ABTB2: variants seen among roughly 807,000 people sequenced by gnomAD.
ABTB2 encodes ankyrin repeat and BTB/POZ domain-containing protein 2.
ABTB2 carries 56 observed loss-of-function variants against 104.1 expected under a neutral mutation model. The ratio of observed to expected loss-of-function variants is 0.54; its 90% CI spans 0.43 to 0.67. ABTB2 has a LOEUF of 0.67. Ranked by LOEUF, ABTB2 falls within the 30% of genes least tolerant of loss-of-function variation. The probability of loss-of-function intolerance (pLI) is 0.00; values close to 1 mark genes in which losing one functional copy is unlikely to be tolerated. For missense variants in ABTB2, 1,279 were observed against 1,407.7 expected (o/e 0.91, Z 1.46); for synonymous variants, 606 against 608.2 (o/e 1.00, Z 0.05).
chr11:34,170,438 C>A (rs1852857095), intron 5 of ABTB2, among the ~76,000 whole-genome samples: 1 of 152,220 alleles, frequency 6.6e-6, no homozygotes, highest in South Asian at 2.1e-4. Flanking sequence ...TTTCATGCTT[C>A]ATTTTAGTCC....
At position 34,357,263 on chromosome 11, in the gene ABTB2, C is replaced by A. The variant is rs1237025794; in HGVS notation, c.321G>T (p.Val107=). 6.0e-6 allele frequency: 9 copies of A among 1,494,088 alleles called. No individual in the cohort carries two copies. Among genetic ancestry groups the A allele is most frequent in the Non-Finnish European group, 8.0e-6 (9 of 1,126,240 alleles). 92.6% of individuals were successfully genotyped at this position (1,494,088 alleles called of 1,614,324 possible). The part of the protein sequence containing the change: ...FPWTEGDVAR[V]LRKGAGGRRL... ...GCCGGCCGCCAGCGCCTTTGCGGAG[C>A]ACCCGGGCCACGTCTCCTTCGGTCC... The change falls in exon 1 of 17, where the codon GTG becomes GTT. Residue 107 remains valine, a synonymous_variant. Coordinates refer to ENST00000435224, the MANE Select transcript of ABTB2 (RefSeq NM_145804.3).
At chr11:34,261,259 TAG>T (rs1854184305) in intron 1 of ABTB2, among the ~76,000 whole-genome samples, 1 of 152,186 alleles carries the variant, frequency 6.6e-6, no homozygotes, top group Non-Finnish European at 1.5e-5. Context: ...GAAATGCTGC[TAG>T]AGTGACTGAT....
chr11:34,293,742 C>T (rs530281779), intron 1 of ABTB2, among the ~76,000 whole-genome samples: 12 of 151,316 alleles, frequency 7.9e-5, no homozygotes, highest in Middle Eastern at 3.2e-3. Flanking sequence ...TTTTTTTCCT[C>T]AAGATGGAGT....
intron 1 of ABTB2, among the ~76,000 whole-genome samples, chr11:34,281,880 T>G (rs531831107): frequency 2.8e-4 from 43 of 152,042 alleles, no homozygotes; most frequent in African/African-American, 9.6e-4. Context: ...TTGGTACAGA[T>G]GAAGTTCACA....
At chr11:34,352,498 G>C (rs1855410817) in intron 1 of ABTB2, among the ~76,000 whole-genome samples, 1 of 152,178 alleles carries the variant, frequency 6.6e-6, no homozygotes, top group Admixed American at 6.5e-5. Flanking sequence ...AACTTCATGA[G>C]AGGAGGGCTT....
chr11:34,335,255 C>T lies in ABTB2; in HGVS notation c.883+21446G>A, dbSNP rs184222691. 2.9e-3 allele frequency: 3,738 copies of T among 1,297,272 alleles called. 57 individuals are homozygous for T. Among genetic ancestry groups the T allele is most frequent in the Non-Finnish European group, 9.5e-4 (841 of 889,180 alleles). The allele number at this position is 1,297,272 out of a possible 1,614,324, so 80.4% of individuals were successfully genotyped here. On this transcript the variant is annotated intron_variant, in intron 1 of 16. Transcript: ENST00000435224. ...GTCATCAACAGAGAATCCTAAATGTCGGTAGCATTCATCAGTTTCAAAAAG... is the reference window on the plus strand; with the variant it reads ...GTCATCAACAGAGAATCCTAAATGTTGGTAGCATTCATCAGTTTCAAAAAG...
At chr11:34,214,422 CA>C (rs1853524247) in intron 1 of ABTB2, among the ~76,000 whole-genome samples, 1 of 150,508 alleles carries the variant, frequency 6.6e-6, no homozygotes, top group Admixed American at 6.7e-5. Flanking sequence ...AGGAGGGTGA[CA>C]AAATGTTTCT....
chr11:34,209,574 C>T (rs1167986061), intron 1 of ABTB2, among the ~76,000 whole-genome samples: 1 of 21,322 alleles, frequency 4.7e-5, no homozygotes, highest in Non-Finnish European at 8.7e-5. Context: ...GGAGGGTAGG[C>T]GTGGGGGTGA....
At chr11:34,208,274 T>C (rs948595103) in intron 1 of ABTB2, among the ~76,000 whole-genome samples, 1 of 152,226 alleles carries the variant, frequency 6.6e-6, no homozygotes, top group African/African-American at 2.4e-5. Context: ...GACATATCTA[T>C]TTTTTTCTAT....
chr11:34,286,827 G>C (rs578178991), intron 1 of ABTB2, among the ~76,000 whole-genome samples: 51 of 152,290 alleles, frequency 3.3e-4, no homozygotes, highest in Non-Finnish European at 5.3e-4. Context: ...ACATTATGCT[G>C]AGTAAAAGAA....
Position 34,154,304 on chromosome 11 carries a change from G to C in ABTB2, c.2841C>G (p.Leu947=), listed in dbSNP as rs143269265. ...RHCEILCSQT[L]SMESAVNTYK... is the part of the protein sequence containing the mutation. ...AGGTGTTCACGGCACTCTCCATGCT[G>C]AGGGTCTGGGAGCACAGGATCTCGC... The change falls in exon 16 of 17, where the codon CTC becomes CTG. Residue 947 remains leucine (L), a synonymous_variant. Transcript: ENST00000435224. This position sits in a 1 kb window ranked among gnomAD's most constrained non-coding sequence, Gnocchi z 4.9. 1 of 1,614,106 alleles carries C rather than the reference G, an allele frequency of 6.2e-7. No individual in the cohort carries two copies. The highest frequency in any genetic ancestry group is 8.5e-7 in the Non-Finnish European group (1 of 1,180,016).
At chr11:34,194,797 T>TG (rs773884395) in intron 3 of ABTB2, among the ~76,000 whole-genome samples, 18 of 150,988 alleles carry the variant, frequency 1.2e-4, no homozygotes, top group Non-Finnish European at 2.4e-4. Flanking sequence ...TTTTTCCTAA[T>TG]GGGGGTTCCA....
chr11:34,174,298 C>T (rs1312079277), intron 3 of ABTB2, among the ~76,000 whole-genome samples: 1 of 143,864 alleles, frequency 7.0e-6, no homozygotes, highest in Non-Finnish European at 1.5e-5. Context: ...GCCCTCCAGC[C>T]TGGGCGACAG....
At chr11:34,337,864 C>T (rs2133121144) in intron 1 of ABTB2, among the ~76,000 whole-genome samples, 1 of 152,242 alleles carries the variant, frequency 6.6e-6, no homozygotes, top group Non-Finnish European at 1.5e-5. Flanking sequence ...TAACACCTCT[C>T]CCCACCTCCC....
At chr11:34,260,826 C>T (rs1230706034) in intron 1 of ABTB2, among the ~76,000 whole-genome samples, 1 of 152,178 alleles carries the variant, frequency 6.6e-6, no homozygotes, top group Non-Finnish European at 1.5e-5. Flanking sequence ...CTTTCTTCCA[C>T]CCTACTGTAC....
chr11:34,322,601 A>T (rs1855018959), intron 1 of ABTB2, among the ~76,000 whole-genome samples: 1 of 151,946 alleles, frequency 6.6e-6, no homozygotes, highest in Non-Finnish European at 1.5e-5. Flanking sequence ...AAATATATAA[A>T]TAAAATAATA....
At position 34,357,759 on chromosome 11, in the gene ABTB2, C is replaced by G. The variant is rs1855485886; in HGVS notation, c.-176G>C. On this transcript the variant is annotated 5_prime_UTR_variant, in exon 1 of 17. Transcript: ENST00000435224. ...GAGGCCGCGGGAAGGTGGCCGAGATCCGTGGCCAGCAGGAGCCCCACGCTC... is the reference window on the plus strand; with the variant it reads ...GAGGCCGCGGGAAGGTGGCCGAGATGCGTGGCCAGCAGGAGCCCCACGCTC... 1.5e-6 allele frequency: 1 copy of G among 685,122 alleles called. No homozygotes were observed. The highest frequency in any genetic ancestry group is 2.3e-6 in the Non-Finnish European group (1 of 442,846). The allele number at this position is 685,122 out of a possible 1,614,324, so 42.4% of individuals were successfully genotyped here. A position where few individuals can be genotyped will look rare whatever the true frequency, so the allele number is the denominator to read the frequency against.
intron 4 of ABTB2, among the ~76,000 whole-genome samples, chr11:34,172,418 A>ATATATATATATGTG (rs55819950): frequency 5.5e-4 from 46 of 84,194 alleles, no homozygotes; most frequent in African/African-American, 1.6e-3. Context: ...ATATATATAT[A>ATATATATATATGTG]TGTGTGTGTG....
At chr11:34,339,417 C>T (rs1855235744) in intron 1 of ABTB2, among the ~76,000 whole-genome samples, 1 of 152,156 alleles carries the variant, frequency 6.6e-6, no homozygotes, top group African/African-American at 2.4e-5. Context: ...GCGACCACAG[C>T]ACAGATAACA....
Sources: allele counts gnomAD v4.1 joint callset (sites outside exome capture counted in the v4.1 genomes callset), GRCh38; gene constraint gnomAD v4.1.1; non-coding constraint Gnocchi (gnomAD v3.1); transcripts MANE v1.5; gene names NCBI Gene and HGNC (gene_info 2026-07-23, HGNC 2026-07-21).